Variants in PTK2B observed in about 807,000 individuals in gnomAD.
The protein encoded by PTK2B is protein tyrosine kinase 2 beta.
In PTK2B, 71 loss-of-function variants were observed where a neutral mutation model predicts 142.9. The ratio of observed to expected loss-of-function variants is 0.50; its 90% confidence interval spans 0.41 to 0.61. PTK2B has a LOEUF of 0.61. Among genes scored for constraint, PTK2B ranks in the 20% least tolerant of loss-of-function variants. The probability of loss-of-function intolerance (pLI) is 0.00; values close to 1 mark genes in which losing one functional copy is unlikely to be tolerated. For synonymous variants in PTK2B, 519 were observed against 503.4 expected (o/e 1.03, Z -0.42); for missense variants, 1,105 against 1,320.4 (o/e 0.84, Z 2.53).
At chr8:27,434,205 G>A in intron 12 of PTK2B, 73 bp downstream of exon 12, 1 of 1,541,986 alleles carries the variant, frequency 6.5e-7, no homozygotes, top group Non-Finnish European at 8.9e-7. Context: ...AGAATAAACT[G>A]GGAGTCCCCA....
intron 1 of PTK2B, among the ~76,000 whole-genome samples, chr8:27,394,943 A>C (rs1807951485): frequency 6.6e-6 from 1 of 152,138 alleles, no homozygotes; most frequent in Non-Finnish European, 1.5e-5. Context: ...TTCCGCCTCC[A>C]CATCTCGTCC....
Position 27,429,963 on chromosome 8 carries a change from C to G in PTK2B, c.552-130C>G, listed in dbSNP as rs551634128. On this transcript the variant is annotated intron_variant, in intron 5 of 30. Coordinates refer to ENST00000346049, the MANE Select transcript of PTK2B (RefSeq NM_173176.3). Reference sequence around the variant, plus strand: ...CAAAATACTAAATTTTATGACTCTCCTAACTTCCTTTCTCCTGATGATTCC... The same window carrying G: ...CAAAATACTAAATTTTATGACTCTCGTAACTTCCTTTCTCCTGATGATTCC... 4 of 847,552 alleles carry G rather than the reference C, an allele frequency of 4.7e-6. No homozygotes were observed. The East Asian group carries it at 7.3e-5, about 15-fold the overall frequency. 52.5% of individuals were successfully genotyped at this position (847,552 alleles called of 1,614,324 possible). A position where few individuals can be genotyped will look rare whatever the true frequency, so the allele number is the denominator to read the frequency against.
chr8:27,322,627 A>G (rs1227592930), upstream of PTK2B: 2 of 152,256 alleles, frequency 1.3e-5, no homozygotes, highest in African/African-American at 4.8e-5. Flanking sequence ...ACCCTGGGAA[A>G]CAGGTAGAAC....
At chr8:27,424,779 T>C (rs961155354) in intron 5 of PTK2B, among the ~76,000 whole-genome samples, 6 of 152,114 alleles carry the variant, frequency 3.9e-5, no homozygotes, top group Admixed American at 3.9e-4. Context: ...TGTCCCAGAG[T>C]GTGGGGCTAC....
chr8:27,415,329 T>C lies in PTK2B; in HGVS notation c.205-4566T>C, dbSNP rs1336240067. 2.0e-5 allele frequency among the ~76,000 whole-genome samples: 3 copies of C among 152,198 alleles called. No individual in the cohort carries two copies. In the South Asian group the frequency reaches 6.2e-4, roughly 32 times the overall value. On this transcript the variant is annotated intron_variant, in intron 2 of 30. Coordinates refer to ENST00000346049, the MANE Select transcript of PTK2B (RefSeq NM_173176.3). ...TACTCCTGGCTATTGCTAGTCTGCATTTCAGTTATCCATGACTTAAAAGGT... is the reference window on the plus strand; with the variant it reads ...TACTCCTGGCTATTGCTAGTCTGCACTTCAGTTATCCATGACTTAAAAGGT...
chr8:27,446,011 T>C, intron 24 of PTK2B, 92 bp downstream of exon 24: 2 of 1,542,292 alleles, frequency 1.3e-6, no homozygotes, highest in Non-Finnish European at 1.8e-6. Context: ...CGTCCTCAGC[T>C]CAGGAGGGCC....
At chr8:27,392,183 C>T (rs566129226) in intron 1 of PTK2B, among the ~76,000 whole-genome samples, 3 of 152,268 alleles carry the variant, frequency 2.0e-5, no homozygotes, top group Non-Finnish European at 4.4e-5. Flanking sequence ...AGAAGAAGAG[C>T]TGGAGTCAGC....
chr8:27,403,889 T>G (rs1309735698), intron 2 of PTK2B, among the ~76,000 whole-genome samples: 1 of 151,730 alleles, frequency 6.6e-6, no homozygotes, highest in African/African-American at 2.4e-5. Flanking sequence ...TTCTTCCTTT[T>G]CTTCTCTTCC....
intron 2 of PTK2B, among the ~76,000 whole-genome samples, chr8:27,419,022 C>A (rs1308404896): frequency 2.9e-5 from 4 of 136,970 alleles, no homozygotes; most frequent in Non-Finnish European, 6.7e-5. Flanking sequence ...AGCGAGACTC[C>A]ATCTCAAGAA....
chr8:27,318,986 CT>C (rs1483146221), intron 3 of PTK2B, among the ~76,000 whole-genome samples: 2 of 152,100 alleles, frequency 1.3e-5, no homozygotes, highest in Non-Finnish European at 1.5e-5. Flanking sequence ...ATTAAAAATG[CT>C]CTTCAGTGTT....
At chr8:27,441,776 T>C (rs185241755) in intron 21 of PTK2B, among the ~76,000 whole-genome samples, 19 of 152,264 alleles carry the variant, frequency 1.2e-4, no homozygotes, top group African/African-American at 4.6e-4. Context: ...ATTTGAAGGA[T>C]GTAATTTGGG....
chr8:27,373,576 G>T (rs757875493), intron 1 of PTK2B, among the ~76,000 whole-genome samples: 1 of 152,204 alleles, frequency 6.6e-6, no homozygotes, highest in Non-Finnish European at 1.5e-5. Context: ...TAGCTGCTTG[G>T]GGGGCTGAGG....
At chr8:27,440,528 T>A in intron 21 of PTK2B, 87 bp downstream of exon 21, 1 of 1,466,082 alleles carries the variant, frequency 6.8e-7, no homozygotes, top group South Asian at 1.2e-5. Context: ...TTGCACCACA[T>A]CTCCCTAAAG....
At chr8:27,426,018 C>G (rs1437750633) in intron 5 of PTK2B, among the ~76,000 whole-genome samples, 1 of 152,122 alleles carries the variant, frequency 6.6e-6, no homozygotes, top group South Asian at 2.1e-4. Context: ...TAACTTCTCC[C>G]CCTTGATCTG....
chr8:27,417,133 A>G (rs1193564396), intron 2 of PTK2B, among the ~76,000 whole-genome samples: 2 of 152,246 alleles, frequency 1.3e-5, no homozygotes, highest in African/African-American at 2.4e-5. Context: ...ATACTTGCAC[A>G]TTGATGTTCA....
At chr8:27,342,372 A>G (rs1168210775) in intron 1 of PTK2B, among the ~76,000 whole-genome samples, 3 of 150,830 alleles carry the variant, frequency 2.0e-5, no homozygotes, top group Non-Finnish European at 3.0e-5. Context: ...CTTCAGTCTC[A>G]ACCTCCCAGG....
intron 3 of PTK2B, among the ~76,000 whole-genome samples, chr8:27,316,462 C>T (rs1018964043): frequency 1.3e-5 from 2 of 152,180 alleles, no homozygotes; most frequent in South Asian, 2.1e-4. Flanking sequence ...AGATATACCA[C>T]ACTAATGCTA....
At chr8:27,318,463 G>T (rs1055413215) in intron 3 of PTK2B, among the ~76,000 whole-genome samples, 5 of 152,136 alleles carry the variant, frequency 3.3e-5, no homozygotes, top group Non-Finnish European at 7.3e-5. Context: ...AGCTGATTCA[G>T]AGTCGGCAGG....
chr8:27,348,580 C>G (rs1441662295), intron 1 of PTK2B, among the ~76,000 whole-genome samples: 2 of 152,184 alleles, frequency 1.3e-5, no homozygotes, highest in South Asian at 4.1e-4. Context: ...ACAATACAAA[C>G]AGTTCCCTGG....
Sources: allele counts gnomAD v4.1 joint callset (sites outside exome capture counted in the v4.1 genomes callset), GRCh38; gene constraint gnomAD v4.1.1; transcripts MANE v1.5; gene names NCBI Gene and HGNC (gene_info 2026-07-23, HGNC 2026-07-21).